CDKAL1: variants seen among roughly 807,000 people sequenced by gnomAD.
The protein encoded by CDKAL1 is CDKAL1 threonylcarbamoyladenosine tRNA methylthiotransferase.
Under a neutral mutation model 68.2 loss-of-function variants are expected in CDKAL1, and 32 were observed. The observed-to-expected ratio is 0.47, with a 90% CI of 0.35 to 0.63. The LOEUF (loss-of-function observed/expected upper bound fraction) is 0.63, where lower values mean the gene tolerates loss of function less well. CDKAL1 is among the 30% of genes least tolerant of loss of function. CDKAL1 has a pLI of 0.00. For missense variants in CDKAL1, 606 were observed against 696.7 expected, an observed-to-expected ratio of 0.87 and a Z score of 1.47; for synonymous variants, 234 against 244.3, an observed-to-expected ratio of 0.96 and a Z score of 0.39.
intron 13 of CDKAL1, among the ~76,000 whole-genome samples, chr6:21,152,923 C>A (rs536910488): frequency 1.3e-5 from 2 of 152,130 alleles, no homozygotes; most frequent in East Asian, 1.9e-4. Context: ...TATTTCCATT[C>A]GACTCTTAGA....
At chr6:20,706,632 A>G (rs1195740454) in intron 5 of CDKAL1, among the ~76,000 whole-genome samples, 1 of 152,238 alleles carries the variant, frequency 6.6e-6, no homozygotes, top group African/African-American at 2.4e-5. Flanking sequence ...ACACTTAAAT[A>G]TATCTGTGTC....
chr6:21,160,539 A>G (rs962151792), intron 13 of CDKAL1, among the ~76,000 whole-genome samples: 3 of 143,754 alleles, frequency 2.1e-5, no homozygotes, highest in South Asian at 2.2e-4. Context: ...TTCGTGATCT[A>G]CCCTCCTTGG....
chr6:20,749,897 G>T (rs1050318678), intron 6 of CDKAL1, among the ~76,000 whole-genome samples: 4 of 151,430 alleles, frequency 2.6e-5, no homozygotes, highest in Non-Finnish European at 5.9e-5. Context: ...ATAAAGACGG[G>T]GTCTCGCCAT....
chr6:21,171,867 G>A (rs1400315135), intron 13 of CDKAL1, among the ~76,000 whole-genome samples: 1 of 152,010 alleles, frequency 6.6e-6, no homozygotes, highest in Non-Finnish European at 1.5e-5. Flanking sequence ...TTTGTTATTG[G>A]TGAAGGATTT....
chr6:21,000,907 A>G (rs1260377278), intron 11 of CDKAL1, among the ~76,000 whole-genome samples: 3 of 152,256 alleles, frequency 2.0e-5, no homozygotes, highest in South Asian at 2.1e-4. Context: ...TCAAATTGCT[A>G]TTGACCAAAA....
At chr6:20,781,320 T>C (rs1250703051) in intron 8 of CDKAL1, 55 bp downstream of exon 8, 1 of 1,456,502 alleles carries the variant, frequency 6.9e-7, no homozygotes, top group South Asian at 1.4e-5. Flanking sequence ...ATGAATTCAG[T>C]TTTTTTTTCT....
chr6:20,978,442 A>G (rs540043759), intron 10 of CDKAL1, among the ~76,000 whole-genome samples: 2 of 152,316 alleles, frequency 1.3e-5, no homozygotes, highest in East Asian at 3.9e-4. Flanking sequence ...TTACATCCAG[A>G]TGAGACTGAA....
At chr6:21,040,503 T>A (rs1769859364) in intron 11 of CDKAL1, among the ~76,000 whole-genome samples, 1 of 150,504 alleles carries the variant, frequency 6.6e-6, no homozygotes, top group Admixed American at 6.6e-5. Flanking sequence ...AAATAATAGG[T>A]TATTACCAAT....
intron 10 of CDKAL1, among the ~76,000 whole-genome samples, chr6:20,997,460 A>G (rs1191738573): frequency 6.7e-6 from 1 of 148,762 alleles, no homozygotes; most frequent in African/African-American, 2.5e-5. Flanking sequence ...GTGTTCTAGC[A>G]GTATAAAGTT....
At chr6:20,606,350 T>C (rs1019210322) in intron 4 of CDKAL1, among the ~76,000 whole-genome samples, 5 of 152,192 alleles carry the variant, frequency 3.3e-5, no homozygotes, top group Non-Finnish European at 7.4e-5. Context: ...CTTTGTTTTA[T>C]TGAAGATTTG....
chr6:20,992,758 C>T (rs574162527), intron 10 of CDKAL1, among the ~76,000 whole-genome samples: 3 of 151,898 alleles, frequency 2.0e-5, no homozygotes, highest in South Asian at 4.2e-4. Flanking sequence ...AAAAATTAGC[C>T]TGGCGTGGTG....
rs1360758910 is a variant in CDKAL1 at position 20,539,396 on chromosome 6, A to G, written c.-6+4002A>G. Among the ~76,000 whole-genome samples, 1 of 152,222 alleles carries G rather than the reference A, an allele frequency of 6.6e-6. No individual in the cohort carries two copies. Among genetic ancestry groups the G allele is most frequent in the Non-Finnish European group, 1.5e-5 (1 of 68,048 alleles). ...CTCACGAAGTATGTATTCTAGTAAG[A>G]TAAACAGTTAAAAAATTATTAAAAC... is the stretch of plus-strand genomic sequence containing the variant. On this transcript the variant is annotated intron_variant, in intron 2 of 15. Transcript: ENST00000274695. This position sits in a 1 kb window ranked among gnomAD's most constrained non-coding sequence, Gnocchi z 4.3.
intron 5 of CDKAL1, among the ~76,000 whole-genome samples, chr6:20,734,232 AG>A (rs1336977804): frequency 6.6e-6 from 1 of 151,906 alleles, no homozygotes; most frequent in Non-Finnish European, 1.5e-5. Flanking sequence ...AAGAGGGAAA[AG>A]CTTCTTTATG....
chr6:20,552,230 TC>T (rs1763862914), intron 4 of CDKAL1, among the ~76,000 whole-genome samples: 1 of 151,838 alleles, frequency 6.6e-6, no homozygotes, highest in African/African-American at 2.4e-5. Context: ...TTGCCTGTAG[TC>T]CCAGTTACTT....
chr6:20,534,498 C>G lies in CDKAL1; in HGVS notation c.-126C>G, dbSNP rs1307909478. 6.5e-6 allele frequency: 1 copy of G among 152,796 alleles called. No homozygotes were observed. The highest frequency in any genetic ancestry group is 2.4e-5 in the African/African-American group (1 of 41,444). 9.5% of individuals were successfully genotyped at this position (152,796 alleles called of 1,614,324 possible). On this transcript the variant is annotated 5_prime_UTR_variant, in exon 1 of 16. In the 5' UTR this introduces an upstream ATG that the reference lacks. Transcript: ENST00000274695. ...ACGTATGTGTCATGGCGCTCTCCATCTAAAGTCTGTGCAGCTTCCGGAGAG... is the reference window on the plus strand; with the variant it reads ...ACGTATGTGTCATGGCGCTCTCCATGTAAAGTCTGTGCAGCTTCCGGAGAG...
chr6:20,631,091 G>A (rs1767654886), intron 4 of CDKAL1, among the ~76,000 whole-genome samples: 1 of 152,152 alleles, frequency 6.6e-6, no homozygotes, highest in African/African-American at 2.4e-5. Flanking sequence ...TGTTTTTGCT[G>A]CCACTTTTAA....
intron 13 of CDKAL1, among the ~76,000 whole-genome samples, chr6:21,154,259 T>G (rs965806339): frequency 1.3e-5 from 2 of 152,246 alleles, no homozygotes; most frequent in African/African-American, 4.8e-5. Flanking sequence ...TTGCTTTTTA[T>G]GTGCATGCTT....
At chr6:20,714,053 G>T (rs531464502) in intron 5 of CDKAL1, among the ~76,000 whole-genome samples, 3 of 151,924 alleles carry the variant, frequency 2.0e-5, no homozygotes, top group African/African-American at 7.2e-5. Context: ...TGTCAAGATA[G>T]ACTTATACTT....
chr6:21,120,813 A>G (rs1184499845), intron 13 of CDKAL1, among the ~76,000 whole-genome samples: 1 of 152,208 alleles, frequency 6.6e-6, no homozygotes, highest in Non-Finnish European at 1.5e-5. Context: ...TGTATATATT[A>G]TATACCAGTT....
Sources: allele counts gnomAD v4.1 joint callset (sites outside exome capture counted in the v4.1 genomes callset), GRCh38; gene constraint gnomAD v4.1.1; non-coding constraint Gnocchi (gnomAD v3.1); transcripts MANE v1.5; gene names NCBI Gene and HGNC (gene_info 2026-07-23, HGNC 2026-07-21).